TTC27: variants seen among roughly 807,000 people sequenced by gnomAD.
TTC27 encodes the protein tetratricopeptide repeat protein 27.
Under a neutral mutation model 115.9 loss-of-function variants are expected in TTC27, and 79 were observed. The observed-to-expected ratio is 0.68, with a 90% CI of 0.57 to 0.82. The LOEUF is 0.82. Among genes scored for constraint, TTC27 ranks in the 40% least tolerant of loss-of-function variants. The probability of loss-of-function intolerance (pLI) is 0.00; values close to 1 mark genes in which losing one functional copy is unlikely to be tolerated. For synonymous variants in TTC27, 401 were observed against 356.0 expected, an observed-to-expected ratio of 1.13 and a Z score of -1.42; for missense variants, 1,054 against 993.1, an observed-to-expected ratio of 1.06 and a Z score of -0.82.
At chr2:32,801,357 TG>T (rs1201386896) in intron 16 of TTC27, among the ~76,000 whole-genome samples, 2 of 152,212 alleles carry the variant, frequency 1.3e-5, no homozygotes, top group African/African-American at 4.8e-5. Context: ...AGAGTCTTTC[TG>T]CACCTTTTCC....
intron 10 of TTC27, chr2:32,704,796 T>G (rs1157414761): frequency 8.7e-6 from 4 of 457,922 alleles, no homozygotes; most frequent in Non-Finnish European, 1.8e-5. Context: ...CCTCATGATT[T>G]GATTCAGGTC....
chr2:32,792,018 A>G (rs1292105209), intron 16 of TTC27, among the ~76,000 whole-genome samples: 1 of 152,222 alleles, frequency 6.6e-6, no homozygotes, highest in Non-Finnish European at 1.5e-5. Context: ...ATTTCCAGTC[A>G]GTTGAAACAC....
rs145562572 is a variant in TTC27 at position 32,812,612 on chromosome 2, C to T, written c.2305C>T (p.His769Tyr). Residue 769 changes from histidine (H) to tyrosine (Y), a missense_variant, in exon 18 of 20, where the codon CAT becomes TAT. By Grantham distance (83) the His-to-Tyr change is moderately conservative. Coordinates refer to ENST00000317907, the MANE Select transcript of TTC27 (RefSeq NM_017735.5). ...EVVQRALGLA[H>Y]VAIKCSKNKS... ...TGTTCAAAGAGCCTTAGGACTTGCA[C>T]ATGGTATTTGATGTAACATTTGATA... 4 of 1,608,036 alleles carry T rather than the reference C, an allele frequency of 2.5e-6. No homozygotes were observed. In the East Asian group the frequency reaches 6.7e-5, roughly 27 times the overall value.
chr2:32,772,824 G>A (rs556165140), intron 13 of TTC27, among the ~76,000 whole-genome samples: 22 of 152,036 alleles, frequency 1.4e-4, no homozygotes, highest in Non-Finnish European at 2.1e-4. Flanking sequence ...GTGTACCTTC[G>A]AACCCAGTCC....
At chr2:32,675,305 C>T (rs910217344) in intron 8 of TTC27, among the ~76,000 whole-genome samples, 2 of 152,180 alleles carry the variant, frequency 1.3e-5, no homozygotes, top group African/African-American at 4.8e-5. Flanking sequence ...TCATAATTGT[C>T]ATCTCATCAG....
At chr2:32,667,616 A>G (rs1292819776) in intron 7 of TTC27, among the ~76,000 whole-genome samples, 1 of 151,128 alleles carries the variant, frequency 6.6e-6, no homozygotes, top group African/African-American at 2.4e-5. Context: ...GGGTTTCTCC[A>G]TGTTGGTCAG....
chr2:32,760,492 C>T (rs1208298919), intron 13 of TTC27, among the ~76,000 whole-genome samples: 1 of 152,068 alleles, frequency 6.6e-6, no homozygotes, highest in Non-Finnish European at 1.5e-5. Flanking sequence ...CACAGCACAG[C>T]CCCCACAATA....
chr2:32,816,304 G>C (rs564065479), intron 18 of TTC27, among the ~76,000 whole-genome samples: 2 of 149,898 alleles, frequency 1.3e-5, no homozygotes, highest in African/African-American at 4.9e-5. Flanking sequence ...GTGACAGAGC[G>C]AGACCTTGTC....
intron 9 of TTC27, among the ~76,000 whole-genome samples, chr2:32,691,774 A>G (rs1666819996): frequency 6.6e-6 from 1 of 151,946 alleles, no homozygotes; most frequent in African/African-American, 2.4e-5. Context: ...TATTAAAAGT[A>G]CATGAAAGAT....
chr2:32,814,612 T>C (rs555283431), intron 18 of TTC27, among the ~76,000 whole-genome samples: 153 of 152,330 alleles, frequency 1.0e-3, no homozygotes, highest in African/African-American at 3.7e-3. Context: ...TGGTCACCAG[T>C]GGACCCACAT....
At chr2:32,813,302 C>A (rs75164705) in intron 18 of TTC27, among the ~76,000 whole-genome samples, 149 of 152,314 alleles carry the variant, frequency 9.8e-4, no homozygotes, top group Admixed American at 2.7e-3. Context: ...TCCTAAAGTT[C>A]TCCTTCTACT....
At position 32,757,202 on chromosome 2, in the gene TTC27, A is replaced by G. The variant is rs145018454; in HGVS notation, c.1453-1090A>G. Among the ~76,000 whole-genome samples, 94 of 152,334 alleles carry G rather than the reference A, an allele frequency of 6.2e-4. No homozygotes were observed. In the East Asian group the frequency reaches 0.014, roughly 23 times the overall value. ...AAAACCCCTCCTTTATAAATTCCAC[A>G]GTGATCCCAGGCTCCCCAACCATAC... is the stretch of plus-strand genomic sequence containing the variant. On this transcript the variant is annotated intron_variant, in intron 12 of 19. Transcript: ENST00000317907.
In TTC27 at chr2:32,701,896, A is replaced by G. The variant is rs540427035; in HGVS notation, c.1120-911A>G. Reference sequence around the variant, plus strand: ...CATGGTGGTACAGGCCTGCCGTCCAAGCTACTCGGGTAGCTGAGGTGGGAG... The same window carrying G: ...CATGGTGGTACAGGCCTGCCGTCCAGGCTACTCGGGTAGCTGAGGTGGGAG... On this transcript the variant is annotated intron_variant, in intron 9 of 19. Coordinates refer to ENST00000317907, the MANE Select transcript of TTC27 (RefSeq NM_017735.5). Among the ~76,000 whole-genome samples the G allele has an allele frequency of 2.0e-4, 31 of 152,144 alleles. No homozygotes were observed. In the East Asian group the frequency reaches 5.8e-3, roughly 28 times the overall value.
intron 10 of TTC27, among the ~76,000 whole-genome samples, chr2:32,726,994 A>G (rs1265471619): frequency 6.6e-6 from 1 of 152,146 alleles, no homozygotes; most frequent in Non-Finnish European, 1.5e-5. Context: ...AGTCACGAGA[A>G]CAGCACAGGA....
At chr2:32,677,163 A>G (rs1666239837) in intron 8 of TTC27, among the ~76,000 whole-genome samples, 1 of 151,820 alleles carries the variant, frequency 6.6e-6, no homozygotes, top group Admixed American at 6.6e-5. Flanking sequence ...GTCCTCTGTG[A>G]TTTGCTTGTT....
chr2:32,687,263 A>G (rs1386792719), intron 9 of TTC27, among the ~76,000 whole-genome samples: 6 of 152,246 alleles, frequency 3.9e-5, no homozygotes, highest in African/African-American at 1.4e-4. Context: ...CCACTATTGT[A>G]GGTTGTGAAA....
intron 9 of TTC27, among the ~76,000 whole-genome samples, chr2:32,684,782 G>A (rs6732774): frequency 0.99 from 150,740 of 152,066 alleles, 74,730 homozygotes; most frequent in Middle Eastern, 1. Flanking sequence ...TACTAGAGTT[G>A]ATTACTTCAG....
chr2:32,769,933 A>G (rs1354048734), intron 13 of TTC27, among the ~76,000 whole-genome samples: 1 of 152,176 alleles, frequency 6.6e-6, no homozygotes, highest in East Asian at 1.9e-4. Context: ...TGAATAGGCA[A>G]CATGCTTTGG....
intron 9 of TTC27, among the ~76,000 whole-genome samples, chr2:32,696,585 C>T (rs998148700): frequency 1.3e-5 from 2 of 152,106 alleles, no homozygotes; most frequent in African/African-American, 4.8e-5. Context: ...TGAGCCACCA[C>T]GCCCAGCCTA....
Sources: allele counts gnomAD v4.1 joint callset (sites outside exome capture counted in the v4.1 genomes callset), GRCh38; gene constraint gnomAD v4.1.1; transcripts MANE v1.5; gene names NCBI Gene and HGNC (gene_info 2026-07-23, HGNC 2026-07-21).